Variants in KCNIP4 observed in about 807,000 individuals in gnomAD.
The protein encoded by KCNIP4 is potassium voltage-gated channel interacting protein 4.
A neutral mutation model predicts 34.0 loss-of-function variants in KCNIP4; 12 were observed. The ratio of observed to expected loss-of-function variants is 0.35; its 90% confidence interval spans 0.23 to 0.57. The LOEUF (loss-of-function observed/expected upper bound fraction) is 0.57. Ranked by LOEUF, KCNIP4 falls within the 20% of genes least tolerant of loss-of-function variation. KCNIP4 has a pLI of 0.83. For synonymous variants in KCNIP4, 124 were observed against 102.2 expected, an observed-to-expected ratio of 1.21 and a Z score of -1.29; for missense variants, 238 against 311.7, an observed-to-expected ratio of 0.76 and a Z score of 1.78.
chr4:21,324,228 C>T (rs915246690), intron 1 of KCNIP4, among the ~76,000 whole-genome samples: 2 of 151,798 alleles, frequency 1.3e-5, no homozygotes, highest in African/African-American at 2.4e-5. Context: ...GTTTTCTTTG[C>T]TGTGCAGAAA....
intron 1 of KCNIP4, among the ~76,000 whole-genome samples, chr4:21,128,824 G>A (rs954056976): frequency 1.6e-4 from 24 of 152,192 alleles, no homozygotes; most frequent in African/African-American, 4.8e-4. Flanking sequence ...ATTCCATTTA[G>A]ATAAGTCTTG....
chr4:21,081,514 C>A lies in KCNIP4; in HGVS notation c.62-198805G>T, dbSNP rs929015606. The stretch of plus-strand genomic sequence containing the variant: ...TTTAAAATTAACCTCAAAACGGCCC[C>A]AAATTTTGTTAAAACTATAGAAGAA... On this transcript the variant is annotated intron_variant, in intron 1 of 8. Transcript: ENST00000382152. Among the ~76,000 whole-genome samples the A allele has an allele frequency of 3.3e-5, 5 of 151,520 alleles. 1 individual carries two copies. Among genetic ancestry groups the A allele is most frequent in the African/African-American group, 9.7e-5 (4 of 41,076 alleles).
intron 1 of KCNIP4, among the ~76,000 whole-genome samples, chr4:21,202,249 T>C (rs1039546473): frequency 3.9e-5 from 6 of 152,242 alleles, no homozygotes; most frequent in Admixed American, 2.0e-4. Flanking sequence ...TATGCAGCCA[T>C]ACAAAAGAGC....
At chr4:21,054,366 A>G (rs776219409) in intron 1 of KCNIP4, among the ~76,000 whole-genome samples, 19 of 152,040 alleles carry the variant, frequency 1.2e-4, no homozygotes, top group Non-Finnish European at 2.4e-4. Context: ...CGAAAATACA[A>G]AAATTAGCCA....
intron 1 of KCNIP4, among the ~76,000 whole-genome samples, chr4:20,887,845 C>T (rs1201484779): frequency 1.3e-5 from 2 of 151,984 alleles, no homozygotes; most frequent in Admixed American, 6.6e-5. Flanking sequence ...AATATATTAT[C>T]CTGTTTTCCT....
intron 1 of KCNIP4, among the ~76,000 whole-genome samples, chr4:20,939,879 C>T (rs189957431): frequency 1.8e-4 from 28 of 152,290 alleles, no homozygotes; most frequent in Non-Finnish European, 3.2e-4. Flanking sequence ...AGACCAGTAT[C>T]CTGGTCCAAG....
At chr4:21,146,275 A>G (rs13117882) in intron 1 of KCNIP4, among the ~76,000 whole-genome samples, 54,089 of 151,654 alleles carry the variant, frequency 0.36, 9,803 homozygotes, top group African/African-American at 0.42. Context: ...GCGGGCGCCT[A>G]TAGTCCCAGC....
chr4:20,839,536 T>TTA (rs913212774), intron 3 of KCNIP4, among the ~76,000 whole-genome samples: 30 of 148,832 alleles, frequency 2.0e-4, no homozygotes, highest in African/African-American at 4.4e-4. Context: ...AAAAGCAAAT[T>TTA]TATATATATA....
chr4:21,486,427 A>C (rs2109848341), intron 1 of KCNIP4, among the ~76,000 whole-genome samples: 1 of 152,306 alleles, frequency 6.6e-6, no homozygotes, highest in East Asian at 1.9e-4. Flanking sequence ...ATGAGATATA[A>C]GTAATGTAGT....
intron 1 of KCNIP4, among the ~76,000 whole-genome samples, chr4:21,068,767 T>G (rs1744637419): frequency 6.6e-6 from 1 of 152,192 alleles, no homozygotes; most frequent in African/African-American, 2.4e-5. Context: ...ATATTCTTAT[T>G]TATTTGTTTA....
chr4:21,501,688 T>TTGTGTGTGTGTGTGTGTGTGAG (rs1733358032), intron 1 of KCNIP4, among the ~76,000 whole-genome samples: 1 of 127,218 alleles, frequency 7.9e-6, no homozygotes, highest in Admixed American at 8.1e-5. Context: ...TGCAGAAGCC[T>TTGTGTGTGTGTGTGTGTGTGAG]TGTGTGTGTG....
intron 1 of KCNIP4, among the ~76,000 whole-genome samples, chr4:21,240,236 AG>A (rs1197551270): frequency 1.5e-5 from 1 of 67,170 alleles, no homozygotes; most frequent in Non-Finnish European, 2.7e-5. Flanking sequence ...GGGTGGGGGG[AG>A]GGGGGAGGGA....
intron 1 of KCNIP4, among the ~76,000 whole-genome samples, chr4:21,835,047 A>G (rs143457757): frequency 1.6e-4 from 25 of 152,264 alleles, no homozygotes; most frequent in African/African-American, 5.5e-4. Flanking sequence ...TATTGGTCTA[A>G]AATTCTCTTT....
intron 1 of KCNIP4, among the ~76,000 whole-genome samples, chr4:21,097,301 T>G (rs1217151479): frequency 2.6e-5 from 4 of 152,214 alleles, no homozygotes; most frequent in Non-Finnish European, 5.9e-5. Context: ...ATAACATTAG[T>G]GAAACTCAAT....
chr4:21,083,508 A>T lies in KCNIP4; in HGVS notation c.62-200799T>A, dbSNP rs73802456. ...ACATGTATCCCTTTAAAAGGGAGGG[A>T]GATCTCTGTCTCCCTCTGGGCTTCT... On this transcript the variant is annotated intron_variant, in intron 1 of 8. Coordinates refer to ENST00000382152, the MANE Select transcript of KCNIP4 (RefSeq NM_025221.6). 5.3e-3 allele frequency among the ~76,000 whole-genome samples: 806 copies of T among 151,816 alleles called. 22 individuals carry two copies. The highest frequency in any genetic ancestry group is 0.017 in the African/African-American group (708 of 41,212).
intron 4 of KCNIP4, among the ~76,000 whole-genome samples, chr4:20,752,199 C>G (rs1341630981): frequency 2.0e-5 from 3 of 151,706 alleles, no homozygotes; most frequent in African/African-American, 7.3e-5. Flanking sequence ...GCTGGGATTA[C>G]AGGCACCTGC....
At chr4:21,467,706 T>A (rs573737042) in intron 1 of KCNIP4, among the ~76,000 whole-genome samples, 1 of 152,284 alleles carries the variant, frequency 6.6e-6, no homozygotes, top group Non-Finnish European at 1.5e-5. Context: ...CAGTGTCCTG[T>A]CATATCAGCT....
chr4:20,929,257 TTAA>T (rs1730199008), intron 1 of KCNIP4, among the ~76,000 whole-genome samples: 1 of 151,974 alleles, frequency 6.6e-6, no homozygotes, highest in African/African-American at 2.4e-5. Context: ...ACACATCACA[TTAA>T]CAGGATGAAA....
intron 1 of KCNIP4, among the ~76,000 whole-genome samples, chr4:21,636,290 TAAAAAAAAAGGA>T (rs1405116225): frequency 1.6e-5 from 2 of 126,730 alleles, no homozygotes; most frequent in Non-Finnish European, 3.4e-5. Context: ...TAAAGTATAA[TAAAAAAAAAGGA>T]AAAAAAAAAA....
Sources: gnomAD v4.1 joint callset for allele counts (sites outside exome capture counted in the v4.1 genomes callset) on GRCh38, gnomAD v4.1.1 for gene constraint, MANE v1.5 for transcripts, NCBI Gene and HGNC (gene_info 2026-07-23, HGNC 2026-07-21) for gene names.